The following ROR2 variants were observed in gnomAD, a reference collection of about 807,000 sequenced individuals.
The protein encoded by ROR2 is ROR family WNT receptor 2.
ROR2 carries 33 observed loss-of-function variants against 74.9 expected under a neutral mutation model. The ratio of observed to expected loss-of-function variants is 0.44; its 90% CI spans 0.33 to 0.59. The LOEUF is 0.59. Among genes scored for constraint, ROR2 ranks in the 20% least tolerant of loss-of-function variants. The probability of loss-of-function intolerance (pLI) is 0.02; values close to 1 mark genes in which losing one functional copy is unlikely to be tolerated. For missense variants in ROR2, 1,216 were observed against 1,313.8 expected (o/e 0.93, Z 1.15); for synonymous variants, 586 against 558.7 (o/e 1.05, Z -0.69).
intron 1 of ROR2, among the ~76,000 whole-genome samples, chr9:91,792,475 A>AT (rs1190466193): frequency 2.6e-5 from 4 of 152,050 alleles, no homozygotes; most frequent in Non-Finnish European, 4.4e-5. Context: ...CGCCCAGCTA[A>AT]TTTTTTGTAC....
chr9:91,737,488 C>T lies in ROR2; in HGVS notation c.525G>A (p.Gln175=), dbSNP rs147616624. The change falls in exon 5 of 9, where the codon CAG becomes CAA. Residue 175 remains glutamine (Q), a synonymous_variant. Transcript: ENST00000375708. ...QDDYHEDGFC[Q]PYRGIACARF... is the part of the protein sequence containing the mutation. ...GTGCACAGGCAATTCCCCGGTAAGG[C>T]TGGCAGAACCCATCCTCGTGGTAAT... The T allele has an allele frequency of 3.0e-4, 482 of 1,614,230 alleles. No homozygotes were observed. Among genetic ancestry groups the T allele is most frequent in the Non-Finnish European group, 3.7e-4 (440 of 1,180,048 alleles).
chr9:91,784,774 C>T (rs1826738519), intron 1 of ROR2, among the ~76,000 whole-genome samples: 1 of 152,356 alleles, frequency 6.6e-6, no homozygotes, highest in East Asian at 1.9e-4. Flanking sequence ...TCAAATACTT[C>T]CCTCCACATG....
chr9:91,831,397 C>A (rs4322068), intron 1 of ROR2, among the ~76,000 whole-genome samples: 60,314 of 151,950 alleles, frequency 0.4, 13,924 homozygotes, highest in African/African-American at 0.62. Flanking sequence ...AGGGACCAGC[C>A]GCGTTTGGTG....
chr9:91,733,265 C>A lies in ROR2; in HGVS notation c.794G>T (p.Arg265Leu), dbSNP rs746065715. ...ECEVLESDLC[R>L]QEYTIARSNP... is the part of the protein sequence containing the mutation. ...GGAGCGGGCGATGGTGTACTCCTGG[C>A]GGCACAGGTCGCTCTCCAGCACCTC... Residue 265 changes from arginine to leucine, a missense_variant, in exon 6 of 9, where the codon CGC becomes CTC. By Grantham distance (102) the Arg-to-Leu change is moderately radical. Coordinates refer to ENST00000375708, the MANE Select transcript of ROR2 (RefSeq NM_004560.4). The surrounding 1 kb of genome is among the most constrained non-coding windows in gnomAD (Gnocchi z 5.7). The A allele has an allele frequency of 5.0e-6, 8 of 1,612,706 alleles. 1 individual carries two copies. The highest frequency in any genetic ancestry group is 2.2e-5 in the South Asian group (2 of 90,914).
chr9:91,914,718 C>T (rs1564035213), intron 1 of ROR2, among the ~76,000 whole-genome samples: 1 of 152,158 alleles, frequency 6.6e-6, no homozygotes, highest in Non-Finnish European at 1.5e-5. Context: ...CACAGACAAC[C>T]AATCACTGAC....
chr9:91,885,617 G>C (rs112479398), intron 1 of ROR2, among the ~76,000 whole-genome samples: 2,602 of 152,292 alleles, frequency 0.017, 38 homozygotes, highest in Non-Finnish European at 0.028. Context: ...CCGCCAAAAT[G>C]TAATTCCAAA....
At chr9:91,799,071 C>T (rs1827289625) in intron 1 of ROR2, among the ~76,000 whole-genome samples, 1 of 152,202 alleles carries the variant, frequency 6.6e-6, no homozygotes, top group South Asian at 2.1e-4. Flanking sequence ...CGCCCTGTCA[C>T]TCTGATTTGG....
At chr9:91,917,548 T>C (rs1831167365) in intron 1 of ROR2, among the ~76,000 whole-genome samples, 1 of 152,148 alleles carries the variant, frequency 6.6e-6, no homozygotes, top group Non-Finnish European at 1.5e-5. Flanking sequence ...GGAAATGTGC[T>C]AGAAACCCTG....
At chr9:91,795,547 T>C (rs1419054983) in intron 1 of ROR2, among the ~76,000 whole-genome samples, 1 of 152,242 alleles carries the variant, frequency 6.6e-6, no homozygotes, top group Non-Finnish European at 1.5e-5. Flanking sequence ...TTAGCAATCA[T>C]ATCACCAGAC....
chr9:91,749,738 A>G (rs1813049657), intron 4 of ROR2, among the ~76,000 whole-genome samples: 1 of 152,212 alleles, frequency 6.6e-6, no homozygotes, highest in African/African-American at 2.4e-5. Flanking sequence ...CAGATTAGGT[A>G]ATTCATTAGA....
At chr9:91,839,681 G>T (rs1230743213) in intron 1 of ROR2, among the ~76,000 whole-genome samples, 1 of 150,770 alleles carries the variant, frequency 6.6e-6, no homozygotes, top group Non-Finnish European at 1.5e-5. Context: ...TGCATATGGT[G>T]TGGGTGTGTG....
rs1000768794 is a variant in ROR2, at chr9:91,948,938, C to T, written c.97+929G>A. On this transcript the variant is annotated intron_variant, in intron 1 of 8. Coordinates refer to ENST00000375708, the MANE Select transcript of ROR2 (RefSeq NM_004560.4). ...GCACCGCCAGAGCTAACGCCGCCTC[C>T]TCCAGGCAACCTAGGCAGGTCCCAA... is the stretch of plus-strand genomic sequence containing the variant. The T allele has an allele frequency of 1.4e-5, 14 of 984,826 alleles. No homozygotes were observed. The African/African-American group carries it at 2.4e-4, about 17-fold the overall frequency. 61.0% of individuals were successfully genotyped at this position (984,826 alleles called of 1,614,324 possible).
At chr9:91,948,607 C>T (rs1426149370) in intron 1 of ROR2, 1 of 985,398 alleles carries the variant, frequency 1.0e-6, no homozygotes, top group Non-Finnish European at 1.2e-6. Flanking sequence ...ACTCGCGTAC[C>T]TTGGGCCGGC....
chr9:91,782,989 G>A (rs1826673904), intron 1 of ROR2, among the ~76,000 whole-genome samples: 2 of 152,232 alleles, frequency 1.3e-5, no homozygotes, highest in Admixed American at 6.5e-5. Flanking sequence ...AGTTCAGGAG[G>A]CTGGAAGGCC....
intron 5 of ROR2, among the ~76,000 whole-genome samples, chr9:91,735,698 C>T (rs1587668563): frequency 7.4e-6 from 1 of 134,938 alleles, no homozygotes; most frequent in East Asian, 2.3e-4. Flanking sequence ...CGATCTGCAA[C>T]TTCCACCTCT....
intron 2 of ROR2, among the ~76,000 whole-genome samples, chr9:91,774,837 TC>T (rs1000294573): frequency 2.6e-5 from 4 of 152,166 alleles, no homozygotes; most frequent in Non-Finnish European, 5.9e-5. Context: ...AAGAAGGAAG[TC>T]AAGATAAAAC....
intron 1 of ROR2, among the ~76,000 whole-genome samples, chr9:91,850,241 G>T (rs1030664187): frequency 1.4e-5 from 2 of 143,640 alleles, no homozygotes; most frequent in Non-Finnish European, 3.1e-5. Flanking sequence ...AATATAGTTA[G>T]AAATCATAAC....
chr9:91,916,966 T>C (rs1460869304), intron 1 of ROR2, among the ~76,000 whole-genome samples: 1 of 152,162 alleles, frequency 6.6e-6, no homozygotes, highest in Non-Finnish European at 1.5e-5. Context: ...ACAGACGCTC[T>C]GCTTTTCCTT....
At chr9:91,735,399 T>C (rs1824985252) in intron 5 of ROR2, among the ~76,000 whole-genome samples, 1 of 152,122 alleles carries the variant, frequency 6.6e-6, no homozygotes, top group Non-Finnish European at 1.5e-5. Context: ...CTCTAAAAGA[T>C]GCTATAAAAC....
Sources: gnomAD v4.1 joint callset for allele counts (sites outside exome capture counted in the v4.1 genomes callset) on GRCh38, gnomAD v4.1.1 for gene constraint, Gnocchi (gnomAD v3.1) non-coding constraint, MANE v1.5 for transcripts, NCBI Gene and HGNC (gene_info 2026-07-23, HGNC 2026-07-21) for gene names.